DPP6: variants seen among roughly 807,000 people sequenced by gnomAD.
The protein encoded by DPP6 is A-type potassium channel modulatory protein DPP6.
DPP6 carries 69 observed loss-of-function variants against 122.6 expected under a neutral mutation model. That is an observed-to-expected ratio of 0.56 (90% CI 0.46 to 0.69). The LOEUF (loss-of-function observed/expected upper bound fraction) is 0.69. Among genes scored for constraint, DPP6 ranks in the 30% least tolerant of loss-of-function variants. The pLI, the probability that DPP6 is intolerant of heterozygous loss-of-function variation, is 0.00. For missense variants in DPP6, 928 were observed against 1,116.9 expected (o/e 0.83, Z 2.41); for synonymous variants, 418 against 433.1 (o/e 0.97, Z 0.43).
rs576514865 is a variant in DPP6, at chr7:154,796,016, G to A, written c.1299+133G>A. ...CAGGGCTCCCCAGGCAGAAACAGACGGCGTGCCGGCTCCACTCACGGTGCC... is the reference window on the plus strand; with the variant it reads ...CAGGGCTCCCCAGGCAGAAACAGACAGCGTGCCGGCTCCACTCACGGTGCC... On this transcript the variant is annotated intron_variant, in intron 12 of 25. Transcript: ENST00000377770. The A allele has an allele frequency of 3.3e-5, 45 of 1,378,960 alleles. No individual in the cohort carries two copies. The East Asian group carries it at 7.7e-4, about 24-fold the overall frequency. 85.4% of individuals were successfully genotyped at this position (1,378,960 alleles called of 1,614,324 possible).
chr7:154,185,637 T>C (rs995813105), intron 1 of DPP6, among the ~76,000 whole-genome samples: 2 of 152,290 alleles, frequency 1.3e-5, no homozygotes, highest in South Asian at 2.1e-4. Context: ...CTTTAGTAGA[T>C]GAATAAACAG....
chr7:154,010,647 G>C (rs2533531), intron 1 of DPP6, among the ~76,000 whole-genome samples: 2 of 152,162 alleles, frequency 1.3e-5, no homozygotes, highest in African/African-American at 2.4e-5. Context: ...TCACAGAATG[G>C]TTCCCTTTTT....
intron 1 of DPP6, among the ~76,000 whole-genome samples, chr7:154,389,416 A>G (rs974063632): frequency 3.3e-5 from 5 of 151,308 alleles, no homozygotes; most frequent in African/African-American, 1.2e-4. Flanking sequence ...TCATCAGCTC[A>G]ACAAGTGCTT....
At chr7:154,459,288 G>T (rs997599816) in intron 2 of DPP6, among the ~76,000 whole-genome samples, 1 of 152,158 alleles carries the variant, frequency 6.6e-6, no homozygotes, top group African/African-American at 2.4e-5. Context: ...GCCTATTCTC[G>T]TAGGCATCGG....
intron 1 of DPP6, among the ~76,000 whole-genome samples, chr7:154,027,937 G>C (rs1799027638): frequency 6.6e-6 from 1 of 150,994 alleles, no homozygotes; most frequent in Non-Finnish European, 1.5e-5. Context: ...GGAAACATGG[G>C]TGGCTGCCTG....
chr7:154,081,169 A>G lies in DPP6; in HGVS notation c.243+28106A>G, dbSNP rs1202090973. Among the ~76,000 whole-genome samples, 4 of 151,908 alleles carry G rather than the reference A, an allele frequency of 2.6e-5. No homozygotes were observed. In the East Asian group the frequency reaches 7.8e-4, roughly 29 times the overall value. On this transcript the variant is annotated intron_variant, in intron 1 of 25. Transcript: ENST00000377770. ...TGATCAGCTGTGGTTAGTCCAAATG[A>G]GCCAGTATGCTGGGGCAGAGAGCAG...
At chr7:154,280,553 G>A (rs1252549969) in intron 1 of DPP6, among the ~76,000 whole-genome samples, 1 of 152,042 alleles carries the variant, frequency 6.6e-6, no homozygotes, top group Non-Finnish European at 1.5e-5. Flanking sequence ...TTTTATTAGA[G>A]CTATTTAATA....
chr7:153,872,650 G>T, the DPP6 span, among the ~76,000 whole-genome samples: 1 of 152,136 alleles, frequency 6.6e-6, no homozygotes, highest in Admixed American at 6.6e-5. Flanking sequence ...TATACAGCAT[G>T]ATGAGCGACA....
intron 23 of DPP6, among the ~76,000 whole-genome samples, chr7:154,888,621 T>C (rs1483382515): frequency 6.6e-6 from 1 of 152,212 alleles, no homozygotes; most frequent in East Asian, 1.9e-4. Context: ...ATGATGGCCC[T>C]CTAAGGCTAC....
At chr7:154,782,639 G>A (rs73728239) in intron 10 of DPP6, among the ~76,000 whole-genome samples, 36 of 152,148 alleles carry the variant, frequency 2.4e-4, no homozygotes, top group African/African-American at 7.9e-4. Flanking sequence ...AGGATCGCTC[G>A]TCTCCAATCA....
At chr7:153,952,619 T>C (rs183329835) in intron 1 of DPP6, among the ~76,000 whole-genome samples, 112 of 152,386 alleles carry the variant, frequency 7.3e-4, no homozygotes, top group Admixed American at 1.6e-3. Flanking sequence ...CAATGTCTTA[T>C]GAGCACCTTT....
chr7:153,982,490 A>T (rs558209990), intron 1 of DPP6, among the ~76,000 whole-genome samples: 8 of 152,186 alleles, frequency 5.3e-5, no homozygotes, highest in South Asian at 4.1e-4. Context: ...GGGTTAGAAC[A>T]TGCTCCTTTA....
chr7:154,480,820 A>AAAT (rs1563737779), intron 3 of DPP6, among the ~76,000 whole-genome samples: 1 of 152,172 alleles, frequency 6.6e-6, no homozygotes, highest in Non-Finnish European at 1.5e-5. Context: ...AAAGAAAAAA[A>AAAT]ATCCACCCTA....
intron 21 of DPP6, 156 bp downstream of exon 21, chr7:154,881,098 C>T: frequency 1.6e-6 from 2 of 1,247,964 alleles, no homozygotes; most frequent in East Asian, 2.7e-5. Flanking sequence ...TGATTCCAGC[C>T]GTGGGAGGTT....
At chr7:154,375,383 C>A (rs899548034) in intron 1 of DPP6, among the ~76,000 whole-genome samples, 3 of 152,066 alleles carry the variant, frequency 2.0e-5, no homozygotes, top group African/African-American at 7.2e-5. Context: ...CGGAAAGGCA[C>A]CATGGCTGCA....
intron 8 of DPP6, among the ~76,000 whole-genome samples, chr7:154,753,705 A>C (rs1233875263): frequency 6.6e-6 from 1 of 152,140 alleles, no homozygotes; most frequent in Non-Finnish European, 1.5e-5. Context: ...TTGAGGATGG[A>C]AAAGGGCAGG....
rs975926295 is a variant in DPP6, at chr7:154,282,750, TA to T, written c.244-163457del. Among the ~76,000 whole-genome samples, 2 of 152,174 alleles carry T rather than the reference TA, an allele frequency of 1.3e-5. No individual in the cohort carries two copies. The highest frequency in any genetic ancestry group is 2.4e-5 in the African/African-American group (1 of 41,450). On this transcript the variant is annotated intron_variant, in intron 1 of 25. Transcript: ENST00000377770. This position sits in a 1 kb window ranked among gnomAD's most constrained non-coding sequence, Gnocchi z 4.8. Reference sequence around the variant, plus strand: ...AGACTTTCAGTATAACAAACAAATTTAAAAAAAGTATGTATATTTGGGTAGA... The same window carrying T: ...AGACTTTCAGTATAACAAACAAATTTAAAAAAGTATGTATATTTGGGTAGA...
At position 154,892,536 on chromosome 7, in the gene DPP6, G is replaced by A. The variant is rs1388023955; in HGVS notation, c.*56G>A. The A allele has an allele frequency of 3.7e-6, 6 of 1,602,942 alleles. No individual in the cohort carries two copies. The Admixed American group carries it at 1.0e-4, about 27-fold the overall frequency. On this transcript the variant is annotated 3_prime_UTR_variant, in exon 26 of 26. Coordinates refer to ENST00000377770, the MANE Select transcript of DPP6 (RefSeq NM_130797.4). ...CTTTCTACAACCAGATGCAACCGAG[G>A]GATTTCCCTGCCCTCCCTCTTCCCT...
intron 1 of DPP6, among the ~76,000 whole-genome samples, chr7:154,257,813 C>T (rs1318997937): frequency 6.6e-6 from 1 of 152,202 alleles, no homozygotes; most frequent in Non-Finnish European, 1.5e-5. Flanking sequence ...TTGAGTAAGA[C>T]AGCCACATGG....
Sources: gnomAD v4.1 joint callset for allele counts (sites outside exome capture counted in the v4.1 genomes callset) on GRCh38, gnomAD v4.1.1 for gene constraint, Gnocchi (gnomAD v3.1) non-coding constraint, MANE v1.5 for transcripts, NCBI Gene and HGNC (gene_info 2026-07-23, HGNC 2026-07-21) for gene names.